Variants in HAT1 observed in about 807,000 individuals in gnomAD.
The protein encoded by HAT1 is histone acetyltransferase 1, also known as histone acetyltransferase type B catalytic subunit.
HAT1 carries 20 observed loss-of-function variants against 56.6 expected under a neutral mutation model. The ratio of observed to expected loss-of-function variants is 0.35; its 90% CI spans 0.25 to 0.51. The LOEUF is 0.51. Ranked by LOEUF, HAT1 falls within the 20% of genes least tolerant of loss-of-function variation. The probability of loss-of-function intolerance (pLI) is 0.95; values close to 1 mark genes in which losing one functional copy is unlikely to be tolerated. For synonymous variants in HAT1, 146 were observed against 165.5 expected (o/e 0.88, Z 0.91); for missense variants, 408 against 504.3 (o/e 0.81, Z 1.83).
At chr2:171,953,250 GT>G (rs1687353054) in intron 4 of HAT1, among the ~76,000 whole-genome samples, 18 of 152,192 alleles carry the variant, frequency 1.2e-4, no homozygotes, top group Middle Eastern at 3.4e-3. Flanking sequence ...GGAGGCTGAG[GT>G]CAGAGGATGG....
At chr2:171,972,710 C>T (rs1166496630) in intron 8 of HAT1, among the ~76,000 whole-genome samples, 1 of 152,238 alleles carries the variant, frequency 6.6e-6, no homozygotes, top group Non-Finnish European at 1.5e-5. Context: ...TGGCCCAGTT[C>T]CTGGTATCTG....
chr2:171,922,742 C>T (rs1381329439), intron 1 of HAT1: 3 of 397,976 alleles, frequency 7.5e-6, no homozygotes, highest in Non-Finnish European at 1.3e-5. Flanking sequence ...AATCCGGCCC[C>T]TACCGAGGGC....
intron 1 of HAT1, chr2:171,923,137 A>T (rs191909744): frequency 6.6e-6 from 1 of 152,248 alleles, no homozygotes; most frequent in Non-Finnish European, 1.5e-5. Context: ...CTATAATACA[A>T]TTCTCTTGTG....
Position 171,957,921 on chromosome 2 carries a change from T to C in HAT1, c.309+4920T>C, listed in dbSNP as rs147398026. ...AGACACAAGTATGGAAAATGAAATA[T>C]ATTACTTCATACTGTATGTCATAAC... On this transcript the variant is annotated intron_variant, in intron 4 of 10. Coordinates refer to ENST00000264108, the MANE Select transcript of HAT1 (RefSeq NM_003642.4). Among the ~76,000 whole-genome samples, 218 of 152,350 alleles carry C rather than the reference T, an allele frequency of 1.4e-3. 1 individual carries two copies. The highest frequency in any genetic ancestry group is 5.0e-3 in the African/African-American group (209 of 41,578).
At chr2:171,935,683 C>G (rs796207654) in intron 2 of HAT1, among the ~76,000 whole-genome samples, 9 of 152,032 alleles carry the variant, frequency 5.9e-5, no homozygotes, top group African/African-American at 2.2e-4. Context: ...TTGAGACCAG[C>G]TTGGGCAACA....
At chr2:171,961,391 A>G (rs1687571442) in intron 4 of HAT1, among the ~76,000 whole-genome samples, 1 of 152,172 alleles carries the variant, frequency 6.6e-6, no homozygotes, top group Non-Finnish European at 1.5e-5. Flanking sequence ...TTGTCTTGCT[A>G]ATTGCTAGCA....
chr2:171,943,046 T>A (rs1240359037), intron 2 of HAT1, among the ~76,000 whole-genome samples: 3 of 150,240 alleles, frequency 2.0e-5, no homozygotes, highest in Non-Finnish European at 2.9e-5. Context: ...TGTGAATTTT[T>A]AGGTTAGTGA....
At chr2:171,936,700 C>T (rs1686880732) in intron 2 of HAT1, among the ~76,000 whole-genome samples, 1 of 152,042 alleles carries the variant, frequency 6.6e-6, no homozygotes, top group South Asian at 2.1e-4. Flanking sequence ...GGAATGTTGC[C>T]AGCACACTGG....
At chr2:171,955,145 C>A (rs1195784881) in intron 4 of HAT1, among the ~76,000 whole-genome samples, 1 of 152,130 alleles carries the variant, frequency 6.6e-6, no homozygotes, top group South Asian at 2.1e-4. Flanking sequence ...ATTATAGCAG[C>A]CACAGGAAAC....
chr2:171,927,158 A>G (rs889755500), intron 2 of HAT1, among the ~76,000 whole-genome samples: 1 of 152,182 alleles, frequency 6.6e-6, no homozygotes, highest in Non-Finnish European at 1.5e-5. Context: ...TGGGCCTGAC[A>G]TTTCTTTTGG....
At chr2:171,966,605 T>TA in intron 7 of HAT1, 92 bp downstream of exon 7, 1 of 730,940 alleles carries the variant, frequency 1.4e-6, no homozygotes, top group Non-Finnish European at 2.5e-6. Flanking sequence ...GTTGATTTGT[T>TA]TAAAAAAAAA....
intron 2 of HAT1, among the ~76,000 whole-genome samples, chr2:171,930,437 T>C (rs1018024289): frequency 1.3e-5 from 2 of 152,212 alleles, no homozygotes; most frequent in Non-Finnish European, 2.9e-5. Flanking sequence ...CCCAAAGTGC[T>C]ATTACAGATG....
chr2:171,968,626 T>G (rs1340658015), intron 8 of HAT1, among the ~76,000 whole-genome samples: 1 of 152,160 alleles, frequency 6.6e-6, no homozygotes, highest in Non-Finnish European at 1.5e-5. Context: ...CTAAAGGACT[T>G]CTGAATTTGA....
chr2:171,925,069 C>CTTTTTTTT (rs72257084), intron 1 of HAT1: 1 of 73,666 alleles, frequency 1.4e-5, no homozygotes, highest in Non-Finnish European at 2.6e-5. Context: ...ATGAGGCATT[C>CTTTTTTTT]TTTTTTTTTT....
chr2:171,979,172 T>C, intron 9 of HAT1, 75 bp from the exon 10 acceptor site: 1 of 733,260 alleles, frequency 1.4e-6, no homozygotes, highest in East Asian at 2.5e-5. Context: ...ATATTAAATA[T>C]ATCCTGTGTT....
chr2:171,925,333 G>T (rs1483813241), intron 1 of HAT1, among the ~76,000 whole-genome samples: 1 of 152,080 alleles, frequency 6.6e-6, no homozygotes, highest in East Asian at 1.9e-4. Context: ...GCCTCCCAGA[G>T]TGCTGGGATT....
chr2:171,950,467 C>T (rs1051580173), intron 3 of HAT1, among the ~76,000 whole-genome samples: 23 of 151,358 alleles, frequency 1.5e-4, no homozygotes, highest in African/African-American at 5.6e-4. Flanking sequence ...AGGCGTGAGC[C>T]ACTGTACCCA....
At chr2:171,964,379 C>T (rs541206606) in intron 4 of HAT1, among the ~76,000 whole-genome samples, 3 of 152,236 alleles carry the variant, frequency 2.0e-5, no homozygotes, top group South Asian at 4.1e-4. Context: ...TCACGGCAAA[C>T]TCCATTAAGT....
chr2:171,922,545 G>A, intron 1 of HAT1, 38 bp downstream of exon 1: 3 of 1,311,730 alleles, frequency 2.3e-6, no homozygotes, highest in Non-Finnish European at 2.9e-6. Context: ...GGGAGGAGGC[G>A]GCCAGATCGG....
Sources: gnomAD v4.1 joint callset for allele counts (sites outside exome capture counted in the v4.1 genomes callset) on GRCh38, gnomAD v4.1.1 for gene constraint, MANE v1.5 for transcripts, NCBI Gene and HGNC (gene_info 2026-07-23, HGNC 2026-07-21) for gene names.